The following IRX2 variants were observed in gnomAD, a reference collection of about 807,000 sequenced individuals.
IRX2 encodes iroquois homeobox 2.
In IRX2, 26 loss-of-function variants were observed where a neutral mutation model predicts 42.9. The ratio of observed to expected loss-of-function variants is 0.61; its 90% CI spans 0.44 to 0.84. The LOEUF (loss-of-function observed/expected upper bound fraction) is 0.84, where lower values mean the gene tolerates loss of function less well. Ranked by LOEUF, IRX2 falls within the 40% of genes least tolerant of loss-of-function variation. The probability of loss-of-function intolerance (pLI) is 0.00; values close to 1 mark genes in which losing one functional copy is unlikely to be tolerated. For synonymous variants in IRX2, 424 were observed against 353.9 expected (o/e 1.20, Z -2.22); for missense variants, 782 against 713.9 (o/e 1.10, Z -1.09).
intron 1 of IRX2, 42 bp from the exon 2 acceptor site, chr5:2,749,829 C>G: frequency 6.5e-7 from 1 of 1,533,502 alleles, no homozygotes; most frequent in Non-Finnish European, 8.8e-7. Context: ...TGCGGAGACC[C>G]CGCGGGCAAC....
At chr5:2,747,996 C>CT (rs1191472074) in intron 3 of IRX2, among the ~76,000 whole-genome samples, 3 of 152,216 alleles carry the variant, frequency 2.0e-5, no homozygotes, top group Non-Finnish European at 4.4e-5. Flanking sequence ...GGATTCAACT[C>CT]TGACTCCTTA....
chr5:2,745,608 T>G (rs1737640129), downstream of IRX2, among the ~76,000 whole-genome samples: 1 of 151,938 alleles, frequency 6.6e-6, no homozygotes, highest in Non-Finnish European at 1.5e-5. Context: ...AGTAAGTCCC[T>G]CCCCCAGATC....
chr5:2,741,759 G>T (rs561456361), downstream of IRX2, among the ~76,000 whole-genome samples: 3 of 152,194 alleles, frequency 2.0e-5, no homozygotes, highest in African/African-American at 7.2e-5. Context: ...TATCGAGTCC[G>T]TATTGGAGGC....
At chr5:2,741,128 TAGTA>T (rs1389002635), downstream of IRX2, among the ~76,000 whole-genome samples, 1 of 152,246 alleles carries the variant, frequency 6.6e-6, no homozygotes, top group African/African-American at 2.4e-5. Flanking sequence ...ACGCCGCTAT[TAGTA>T]AGGACTAAAA....
chr5:2,751,085 C>A lies in IRX2; in HGVS notation c.249+80G>T, dbSNP rs1737945945. On this transcript the variant is annotated intron_variant, in intron 1 of 3. Coordinates refer to ENST00000302057, the MANE Select transcript of IRX2 (RefSeq NM_033267.5). The surrounding 1 kb of genome is among the most constrained non-coding windows in gnomAD (Gnocchi z 4.0). ...CACATTCCCGGCGGCCCCCGCCCGCCGAACCCGAGCCCCGCTCCGCCTGAG... is the reference window on the plus strand; with the variant it reads ...CACATTCCCGGCGGCCCCCGCCCGCAGAACCCGAGCCCCGCTCCGCCTGAG... 1 of 1,188,310 alleles carries A rather than the reference C, an allele frequency of 8.4e-7. No individual in the cohort carries two copies. 73.6% of individuals were successfully genotyped at this position (1,188,310 alleles called of 1,614,324 possible). A position where few individuals can be genotyped will look rare whatever the true frequency, so the allele number is the denominator to read the frequency against.
chr5:2,750,003 G>T (rs1298695547), intron 1 of IRX2, among the ~76,000 whole-genome samples: 2 of 152,164 alleles, frequency 1.3e-5, no homozygotes, highest in South Asian at 2.1e-4. Flanking sequence ...TCGAATTTCT[G>T]AACTATTTCA....
chr5:2,742,053 G>A (rs896259797), downstream of IRX2, among the ~76,000 whole-genome samples: 8 of 152,108 alleles, frequency 5.3e-5, no homozygotes, highest in Admixed American at 3.9e-4. Context: ...CTGCCTTCAC[G>A]GTAGGAAACA....
At chr5:2,742,642 ATGTTT>A (rs1166665966), downstream of IRX2, among the ~76,000 whole-genome samples, 2 of 152,218 alleles carry the variant, frequency 1.3e-5, no homozygotes, top group African/African-American at 4.8e-5. Flanking sequence ...GTCTAAATGA[ATGTTT>A]TCCTTGGGAT....
At chr5:2,749,352 G>T (rs756546159) in intron 2 of IRX2, 30 bp downstream of exon 2, 1 of 1,563,678 alleles carries the variant, frequency 6.4e-7, no homozygotes, top group South Asian at 1.2e-5. Context: ...AAAGCGCCCC[G>T]AGACCTTGCG....
chr5:2,751,297 C>T lies in IRX2; in HGVS notation c.117G>A (p.Ser39=). The T allele has an allele frequency of 7.0e-7, 1 of 1,433,672 alleles. No homozygotes were observed. The highest frequency in any genetic ancestry group is 9.1e-7 in the Non-Finnish European group (1 of 1,093,770). 88.8% of individuals were successfully genotyped at this position (1,433,672 alleles called of 1,614,324 possible). The change falls in exon 1 of 4, where the codon TCG becomes TCA. Residue 39 remains serine (S), a synonymous_variant. Transcript: ENST00000302057. This position sits in a 1 kb window ranked among gnomAD's most constrained non-coding sequence, Gnocchi z 4.0. ...AAPRSEELAR[S]ASGSAFSPYP... ...AGGGGCTGAACGCCGAGCCCGACGC[C>T]GAGCGCGCCAGCTCCTCGCTGCGCG...
In IRX2 at chr5:2,749,614, G is replaced by A. The variant is rs777621736; in HGVS notation, c.423C>T (p.Tyr141=). The part of the protein sequence containing the change: ...AWLNEHRKNP[Y]PTKGEKIMLA... Reference sequence around the variant, plus strand: ...GCATGATCTTCTCGCCCTTGGTGGGGTAGGGGTTCTTGCGGTGCTCGTTGA... The same window carrying A: ...GCATGATCTTCTCGCCCTTGGTGGGATAGGGGTTCTTGCGGTGCTCGTTGA... Residue 141 remains tyrosine, a synonymous_variant, in exon 2 of 4, where the codon TAC becomes TAT. Coordinates refer to ENST00000302057, the MANE Select transcript of IRX2 (RefSeq NM_033267.5). 25 of 1,614,250 alleles carry A rather than the reference G, an allele frequency of 1.5e-5. No individual in the cohort carries two copies. The South Asian group carries it at 2.7e-4, about 18-fold the overall frequency.
chr5:2,747,573 G>A lies in IRX2; in HGVS notation c.1407C>T (p.Pro469=). The A allele has an allele frequency of 1.9e-6, 3 of 1,614,040 alleles. No homozygotes were observed. Among genetic ancestry groups the A allele is most frequent in the Non-Finnish European group, 2.5e-6 (3 of 1,179,936 alleles). ...GCTGTGCTCGGCCCTTCTATAGGTAGGGCTGGACGCCCCCGCCAACCACGG... is the reference window on the plus strand; with the variant it reads ...GCTGTGCTCGGCCCTTCTATAGGTAAGGCTGGACGCCCCCGCCAACCACGG... ...GCTVVGGGVQ[P]YL Residue 469 remains proline (P), a synonymous_variant, in exon 4 of 4, where the codon CCC becomes CCT. Transcript: ENST00000302057.
downstream of IRX2, among the ~76,000 whole-genome samples, chr5:2,744,844 GC>G (rs1315030012): frequency 6.6e-6 from 1 of 152,172 alleles, no homozygotes; most frequent in African/African-American, 2.4e-5. Context: ...ACCTGGTTCT[GC>G]CCCCCTTCTC....
At chr5:2,747,769 G>A (rs1440820176) in intron 3 of IRX2, among the ~76,000 whole-genome samples, 153 bp from the exon 4 acceptor site, 1 of 152,212 alleles carries the variant, frequency 6.6e-6, no homozygotes, top group Non-Finnish European at 1.5e-5. Context: ...TTTTGGTGAT[G>A]GTCCCTAGTT....
At chr5:2,738,601 G>A in the IRX2 span, among the ~76,000 whole-genome samples, 1 of 152,082 alleles carries the variant, frequency 6.6e-6, no homozygotes, top group Non-Finnish European at 1.5e-5. Flanking sequence ...CTCTCCACCA[G>A]GGCTGTACAG....
In IRX2 at chr5:2,749,704, C is replaced by T. The variant is rs757233669; in HGVS notation, c.333G>A (p.Gln111=). The T allele has an allele frequency of 6.2e-7, 1 of 1,614,094 alleles. No individual in the cohort carries two copies. Among genetic ancestry groups the T allele is most frequent in the South Asian group, 1.1e-5 (1 of 91,074 alleles). The part of the protein sequence containing the change: ...HPYGSAAYPY[Q]LNDPAYRKNA... ...TCTTGCGGTACGCGGGGTCGTTGAG[C>T]TGGTACGGGTAGGCCGCGCTGCCGT... Residue 111 remains glutamine, a synonymous_variant, in exon 2 of 4, where the codon CAG becomes CAA. Coordinates refer to ENST00000302057, the MANE Select transcript of IRX2 (RefSeq NM_033267.5).
intron 2 of IRX2, 53 bp downstream of exon 2, chr5:2,749,329 C>T (rs1737834857): frequency 6.5e-6 from 10 of 1,540,558 alleles, no homozygotes; most frequent in Admixed American, 2.1e-5. Flanking sequence ...AGCTCTGCGC[C>T]CCGCCTGGGA....
the IRX2 span, among the ~76,000 whole-genome samples, chr5:2,738,595 C>T: frequency 6.6e-6 from 1 of 152,130 alleles, no homozygotes; most frequent in Non-Finnish European, 1.5e-5. Flanking sequence ...CACCCTCTCT[C>T]CACCAGGGCT....
At chr5:2,747,836 G>T (rs960640086) in intron 3 of IRX2, among the ~76,000 whole-genome samples, 6 of 152,308 alleles carry the variant, frequency 3.9e-5, no homozygotes, top group Non-Finnish European at 8.8e-5. Context: ...AGCAACACAG[G>T]CAACATAGCA....
Sources: gnomAD v4.1 joint callset for allele counts (sites outside exome capture counted in the v4.1 genomes callset) on GRCh38, gnomAD v4.1.1 for gene constraint, Gnocchi (gnomAD v3.1) non-coding constraint, MANE v1.5 for transcripts, NCBI Gene and HGNC (gene_info 2026-07-23, HGNC 2026-07-21) for gene names.